Variants in ERBB4 observed in about 807,000 individuals in gnomAD.
ERBB4 encodes erb-b2 receptor tyrosine kinase 4.
A neutral mutation model predicts 158.0 loss-of-function variants in ERBB4; 42 were observed. The observed-to-expected ratio is 0.27, with a 90% confidence interval of 0.21 to 0.34. The LOEUF (loss-of-function observed/expected upper bound fraction) is 0.34. Ranked by LOEUF, ERBB4 falls within the 10% of genes least tolerant of loss-of-function variation. ERBB4 has a pLI of 1.00. For synonymous variants in ERBB4, 583 were observed against 558.7 expected, an observed-to-expected ratio of 1.04 and a Z score of -0.61; for missense variants, 1,333 against 1,624.1, an observed-to-expected ratio of 0.82 and a Z score of 3.08.
chr2:212,034,778 G>GTATCAGTTTC (rs1431804340), intron 2 of ERBB4, among the ~76,000 whole-genome samples: 8 of 151,932 alleles, frequency 5.3e-5, no homozygotes, highest in African/African-American at 1.9e-4. Context: ...ATTTAGAAAC[G>GTATCAGTTTC]TAAATGACTT....
At chr2:212,190,909 C>T (rs190021994) in intron 1 of ERBB4, among the ~76,000 whole-genome samples, 29 of 152,066 alleles carry the variant, frequency 1.9e-4, no homozygotes, top group African/African-American at 5.8e-4. Context: ...AACACACATA[C>T]GCTCACAAAC....
At chr2:211,914,306 C>G (rs543085036) in intron 3 of ERBB4, among the ~76,000 whole-genome samples, 2 of 150,618 alleles carry the variant, frequency 1.3e-5, no homozygotes, top group African/African-American at 4.9e-5. Context: ...CACATGAATT[C>G]CCTATGTCCA....
chr2:212,190,321 G>A (rs1240783410), intron 1 of ERBB4, among the ~76,000 whole-genome samples: 1 of 152,134 alleles, frequency 6.6e-6, no homozygotes, highest in African/African-American at 2.4e-5. Flanking sequence ...CGGATCACGA[G>A]GTCAGGAGAT....
chr2:211,661,604 A>G (rs1371717425), intron 15 of ERBB4, among the ~76,000 whole-genome samples: 1 of 152,188 alleles, frequency 6.6e-6, no homozygotes, highest in Non-Finnish European at 1.5e-5. Context: ...TAAATTTTGA[A>G]ATAAAAATGA....
At chr2:212,507,919 T>A (rs1383730345) in intron 1 of ERBB4, among the ~76,000 whole-genome samples, 3 of 152,180 alleles carry the variant, frequency 2.0e-5, no homozygotes. Flanking sequence ...CAAAACAGCA[T>A]CACATGCTGG....
At chr2:211,861,316 AGTCCAGGCG>A (rs2078041865) in intron 3 of ERBB4, among the ~76,000 whole-genome samples, 1 of 133,100 alleles carries the variant, frequency 7.5e-6, no homozygotes, top group Admixed American at 8.2e-5. Context: ...TCATGCCATC[AGTCCAGGCG>A]TGTTTTTTTT....
In ERBB4 at chr2:212,101,777, A is replaced by G. The variant is rs554790093; in HGVS notation, c.234+22975T>C. Among the ~76,000 whole-genome samples the G allele has an allele frequency of 3.9e-5, 6 of 152,014 alleles. No individual in the cohort carries two copies. The East Asian group carries it at 9.7e-4, about 25-fold the overall frequency. On this transcript the variant is annotated intron_variant, in intron 2 of 27. Coordinates refer to ENST00000342788, the MANE Select transcript of ERBB4 (RefSeq NM_005235.3). ...TTACTTCTACATAGTCTTTCAATAA[A>G]TATATTTTTCAACAATAATGAAAAG... is the stretch of plus-strand genomic sequence containing the variant.
chr2:212,535,176 CAG>C (rs1692977431), intron 1 of ERBB4, among the ~76,000 whole-genome samples: 1 of 151,894 alleles, frequency 6.6e-6, no homozygotes, highest in South Asian at 2.1e-4. Flanking sequence ...GTTATACTAA[CAG>C]ATATTTATTT....
chr2:212,287,823 T>C lies in ERBB4; in HGVS notation c.83-162920A>G, dbSNP rs559154705. On this transcript the variant is annotated intron_variant, in intron 1 of 27. Coordinates refer to ENST00000342788, the MANE Select transcript of ERBB4 (RefSeq NM_005235.3). ...GCAAACTAACATGAAATACTTAACA[T>C]GTTTTCACTTATAAGTGGGAGTTAA... Among the ~76,000 whole-genome samples the C allele has an allele frequency of 5.9e-5, 9 of 152,282 alleles. No homozygotes were observed. In the East Asian group the frequency reaches 1.5e-3, roughly 26 times the overall value.
chr2:211,471,526 C>T (rs2064827250), intron 20 of ERBB4, among the ~76,000 whole-genome samples: 1 of 152,040 alleles, frequency 6.6e-6, no homozygotes, highest in South Asian at 2.1e-4. Context: ...TGTGAGTGAC[C>T]TGTTTCATTT....
intron 6 of ERBB4, among the ~76,000 whole-genome samples, chr2:211,723,840 A>G (rs1174879470): frequency 6.6e-6 from 1 of 152,230 alleles, no homozygotes; most frequent in Non-Finnish European, 1.5e-5. Context: ...AATGTAACTT[A>G]CACCAAGGCC....
chr2:212,301,505 A>C (rs1407286918), intron 1 of ERBB4, among the ~76,000 whole-genome samples: 5 of 151,420 alleles, frequency 3.3e-5, no homozygotes, highest in African/African-American at 4.8e-5. Context: ...GAAATAGTTT[A>C]TTCAATCAAC....
chr2:212,366,121 T>C (rs1482253084), intron 1 of ERBB4, among the ~76,000 whole-genome samples: 1 of 151,890 alleles, frequency 6.6e-6, no homozygotes, highest in Admixed American at 6.6e-5. Context: ...AAAATATAAA[T>C]TTGATTGGCA....
chr2:212,320,493 G>C (rs1574673590), intron 1 of ERBB4, among the ~76,000 whole-genome samples: 1 of 128,478 alleles, frequency 7.8e-6, no homozygotes, highest in East Asian at 2.2e-4. Flanking sequence ...CAGGACTAAA[G>C]GAAAATGTAT....
chr2:212,171,275 C>T (rs1315835889), intron 1 of ERBB4, among the ~76,000 whole-genome samples: 1 of 151,930 alleles, frequency 6.6e-6, no homozygotes, highest in African/African-American at 2.4e-5. Flanking sequence ...GGAATGGGAA[C>T]ACTTATCCAA....
intron 25 of ERBB4, among the ~76,000 whole-genome samples, chr2:211,412,350 T>C (rs2063280642): frequency 6.6e-6 from 1 of 152,214 alleles, no homozygotes; most frequent in Non-Finnish European, 1.5e-5. Flanking sequence ...TGTTTTTGCC[T>C]TTCTTCTGAT....
intron 16 of ERBB4, among the ~76,000 whole-genome samples, chr2:211,655,774 C>T (rs1292118294): frequency 6.6e-6 from 1 of 152,198 alleles, no homozygotes; most frequent in Non-Finnish European, 1.5e-5. Context: ...TCGGCACTCT[C>T]TCCCTCTCTC....
At chr2:212,029,868 A>C (rs1294634549) in intron 2 of ERBB4, among the ~76,000 whole-genome samples, 1 of 152,162 alleles carries the variant, frequency 6.6e-6, no homozygotes, top group African/African-American at 2.4e-5. Flanking sequence ...ATTTTCAGTC[A>C]AATTCTACAA....
chr2:211,420,839 G>A (rs144936697), intron 24 of ERBB4, among the ~76,000 whole-genome samples: 6 of 152,096 alleles, frequency 3.9e-5, no homozygotes, highest in Admixed American at 2.0e-4. Context: ...TATGATAAAT[G>A]CCATTAGAGA....
Sources: allele counts gnomAD v4.1 joint callset (sites outside exome capture counted in the v4.1 genomes callset), GRCh38; gene constraint gnomAD v4.1.1; transcripts MANE v1.5; gene names NCBI Gene and HGNC (gene_info 2026-07-23, HGNC 2026-07-21).